The following PAK1 variants were observed in gnomAD, a reference collection of about 807,000 sequenced individuals.
PAK1 encodes p21 (RAC1) activated kinase 1, also known as serine/threonine-protein kinase PAK 1.
In PAK1, 29 loss-of-function variants were observed where a neutral mutation model predicts 67.4. That is an observed-to-expected ratio of 0.43 (90% confidence interval 0.32 to 0.59). PAK1 has a LOEUF of 0.59. Among genes scored for constraint, PAK1 ranks in the 20% least tolerant of loss-of-function variants. The pLI is 0.07. For missense variants in PAK1, 337 were observed against 670.7 expected, an observed-to-expected ratio of 0.50 and a Z score of 5.50; for synonymous variants, 223 against 237.4, an observed-to-expected ratio of 0.94 and a Z score of 0.56.
the PAK1 span, among the ~76,000 whole-genome samples, chr11:77,503,127 T>A: frequency 6.6e-6 from 1 of 152,114 alleles, no homozygotes; most frequent in East Asian, 1.9e-4. Flanking sequence ...ATCTGTACTT[T>A]AGTCACCAGA....
chr11:77,322,951 T>TG lies in PAK1; in HGVS notation c.*322dup, dbSNP rs1451246329. Reference sequence around the variant, plus strand: ...ATAGTCAAGAATTAATTGTGGGAGATGGTTATGAAGGAGGTGAGGATTTTG... The same window carrying TG: ...ATAGTCAAGAATTAATTGTGGGAGATGGGTTATGAAGGAGGTGAGGATTTTG... On this transcript the variant is annotated 3_prime_UTR_variant, in exon 15 of 15. Transcript: ENST00000356341. 1 of 584,522 alleles carries TG rather than the reference T, an allele frequency of 1.7e-6. No homozygotes were observed. Among genetic ancestry groups the TG allele is most frequent in the Non-Finnish European group, 3.0e-6 (1 of 330,464 alleles). The allele number at this position is 584,522 out of a possible 1,614,324, so 36.2% of individuals were successfully genotyped here.
At chr11:77,392,953 G>C (rs472691) in intron 1 of PAK1, among the ~76,000 whole-genome samples, 36,818 of 152,098 alleles carry the variant, frequency 0.24, 5,082 homozygotes, top group Non-Finnish European at 0.31. Flanking sequence ...ATTCCACATA[G>C]TGAGTTCTCT....
rs1360934667 is a variant in PAK1, at chr11:77,336,376, C to G, written c.1217-94G>C. ...TGTACCTACACATAGGTGACAAGAT[C>G]CGCCTGGCTTCCAGCTCTGCTATCC... On this transcript the variant is annotated intron_variant, in intron 12 of 14. Transcript: ENST00000356341. The G allele has an allele frequency of 6.7e-6, 6 of 896,496 alleles. No homozygotes were observed. In the African/African-American group the frequency reaches 9.8e-5, roughly 15 times the overall value. 55.5% of individuals were successfully genotyped at this position (896,496 alleles called of 1,614,324 possible). A position where few individuals can be genotyped will look rare whatever the true frequency, so the allele number is the denominator to read the frequency against.
chr11:77,383,354 C>T (rs983652172), intron 2 of PAK1, among the ~76,000 whole-genome samples: 3 of 144,710 alleles, frequency 2.1e-5, no homozygotes, highest in African/African-American at 7.8e-5. Context: ...GACAGAGTCT[C>T]ACTCTTGTTG....
chr11:77,324,430 C>T (rs371873401), intron 14 of PAK1, among the ~76,000 whole-genome samples: 30 of 152,200 alleles, frequency 2.0e-4, no homozygotes, highest in South Asian at 1.7e-3. Flanking sequence ...GCCTCAGCCT[C>T]GCGAAGTGCT....
intron 3 of PAK1, 198 bp from the exon 4 acceptor site, chr11:77,379,586 G>A (rs1949554173): frequency 1.5e-5 from 9 of 597,884 alleles, no homozygotes; most frequent in Non-Finnish European, 2.6e-5. Flanking sequence ...TAAGATGTCT[G>A]CTCCTTCACC....
chr11:77,356,773 A>G (rs900853373), intron 6 of PAK1, among the ~76,000 whole-genome samples: 3 of 152,200 alleles, frequency 2.0e-5, no homozygotes, highest in African/African-American at 7.2e-5. Context: ...ATGCTGCCCC[A>G]ACCTCTCATT....
the PAK1 span, among the ~76,000 whole-genome samples, chr11:77,508,921 A>G: frequency 6.9e-6 from 1 of 144,500 alleles, no homozygotes; most frequent in Non-Finnish European, 1.5e-5. Context: ...CGGCCTCCCA[A>G]AGTGTTGGGA....
At chr11:77,506,232 G>A in the PAK1 span, among the ~76,000 whole-genome samples, 10 of 152,280 alleles carry the variant, frequency 6.6e-5, no homozygotes, top group Middle Eastern at 3.4e-3. Context: ...GTACATAGAC[G>A]GAAGGCTAGA....
chr11:77,368,950 T>C (rs939423180), intron 5 of PAK1, among the ~76,000 whole-genome samples: 3 of 152,232 alleles, frequency 2.0e-5, no homozygotes, highest in African/African-American at 7.2e-5. Context: ...CTTTCAGAAG[T>C]GATCTGTGGG....
chr11:77,426,980 A>G (rs1955582293), intron 1 of PAK1, among the ~76,000 whole-genome samples: 1 of 152,220 alleles, frequency 6.6e-6, no homozygotes, highest in South Asian at 2.1e-4. Context: ...CAGAACAAGA[A>G]AAGTTCAAGA....
intron 5 of PAK1, among the ~76,000 whole-genome samples, chr11:77,366,563 T>C (rs1321837857): frequency 6.6e-6 from 1 of 152,200 alleles, no homozygotes; most frequent in Admixed American, 6.5e-5. Context: ...TAATGTGAAG[T>C]AGATTGTATA....
At chr11:77,395,202 G>A (rs1305913324) in intron 1 of PAK1, among the ~76,000 whole-genome samples, 1 of 152,014 alleles carries the variant, frequency 6.6e-6, no homozygotes, top group Non-Finnish European at 1.5e-5. Context: ...AAGAAGTTAG[G>A]TGCCCCCTCC....
chr11:77,368,037 T>C (rs552927149), intron 5 of PAK1, among the ~76,000 whole-genome samples: 1 of 152,256 alleles, frequency 6.6e-6, no homozygotes, highest in Non-Finnish European at 1.5e-5. Flanking sequence ...CATGAAGAGA[T>C]AACAAAAGAA....
the PAK1 span, among the ~76,000 whole-genome samples, chr11:77,517,205 C>T: frequency 1.3e-5 from 2 of 152,078 alleles, no homozygotes; most frequent in African/African-American, 2.4e-5. Flanking sequence ...ACCAGCAACC[C>T]AAGCCTCAGA....
At chr11:77,378,478 AAT>A (rs1423373625) in intron 4 of PAK1, among the ~76,000 whole-genome samples, 1 of 152,208 alleles carries the variant, frequency 6.6e-6, no homozygotes, top group Non-Finnish European at 1.5e-5. Context: ...AATGTTATTA[AAT>A]AACTAATAAT....
Position 77,351,125 on chromosome 11 carries a change from A to G in PAK1, c.837-1838T>C, listed in dbSNP as rs181428072. 1.7e-4 allele frequency among the ~76,000 whole-genome samples: 26 copies of G among 152,268 alleles called. No individual in the cohort carries two copies. The East Asian group carries it at 1.9e-3, about 11-fold the overall frequency. ...GAAATAAAAGCAAGCAAAAATTACA[A>G]TATTACCAATTCATCATATTGGTGT... On this transcript the variant is annotated intron_variant, in intron 8 of 14. Transcript: ENST00000356341.
chr11:77,476,170 CA>C (rs1158033117), upstream of PAK1: 5 of 151,980 alleles, frequency 3.3e-5, no homozygotes, highest in East Asian at 3.9e-4. Context: ...AACTCTGTCT[CA>C]AAAAAAATGT....
chr11:77,339,578 A>G (rs960422104), intron 11 of PAK1, among the ~76,000 whole-genome samples: 8 of 152,044 alleles, frequency 5.3e-5, no homozygotes, highest in Non-Finnish European at 1.0e-4. Context: ...TCTAGATCCC[A>G]AAGTTGTTTG....
Sources: allele counts gnomAD v4.1 joint callset (sites outside exome capture counted in the v4.1 genomes callset), GRCh38; gene constraint gnomAD v4.1.1; transcripts MANE v1.5; gene names NCBI Gene and HGNC (gene_info 2026-07-23, HGNC 2026-07-21).